SDK1: variants seen among roughly 807,000 people sequenced by gnomAD.
SDK1 encodes the protein protein sidekick-1.
A neutral mutation model predicts 245.5 loss-of-function variants in SDK1; 157 were observed. That is an observed-to-expected ratio of 0.64 (90% confidence interval 0.56 to 0.73). The LOEUF (loss-of-function observed/expected upper bound fraction) is 0.73, where lower values mean the gene tolerates loss of function less well. Among genes scored for constraint, SDK1 ranks in the 30% least tolerant of loss-of-function variants. The pLI is 0.00. For synonymous variants in SDK1, 1,647 were observed against 1,278.5 expected (o/e 1.29, Z -6.15); for missense variants, 3,583 against 3,002.3 (o/e 1.19, Z -4.52).
At chr7:3,770,094 A>G (rs1780365775) in intron 4 of SDK1, among the ~76,000 whole-genome samples, 1 of 152,014 alleles carries the variant, frequency 6.6e-6, no homozygotes, top group South Asian at 2.1e-4. Flanking sequence ...AAAGTGGTGA[A>G]TGTATTTATA....
Position 3,527,374 on chromosome 7 carries a change from A to G in SDK1, c.299-91706A>G, listed in dbSNP as rs140426028. Among the ~76,000 whole-genome samples, 12 of 152,272 alleles carry G rather than the reference A, an allele frequency of 7.9e-5. 1 individual carries two copies. In the East Asian group the frequency reaches 2.3e-3, roughly 29 times the overall value. Reference sequence around the variant, plus strand: ...GCGATGTGAACGTGGAGATGAAGGCATGTGCTGTGGTCATGGAAGGCCTTT... The same window carrying G: ...GCGATGTGAACGTGGAGATGAAGGCGTGTGCTGTGGTCATGGAAGGCCTTT... On this transcript the variant is annotated intron_variant, in intron 1 of 44. Transcript: ENST00000404826.
chr7:4,046,810 T>C (rs1036511635), intron 17 of SDK1, among the ~76,000 whole-genome samples: 2 of 147,432 alleles, frequency 1.4e-5, no homozygotes, highest in Non-Finnish European at 3.0e-5. Flanking sequence ...CTAGGAGATA[T>C]CTAGCTGTGA....
intron 1 of SDK1, among the ~76,000 whole-genome samples, chr7:3,584,998 A>G (rs913672434): frequency 2.0e-5 from 3 of 152,142 alleles, no homozygotes; most frequent in African/African-American, 7.2e-5. Flanking sequence ...TGCTGGGATT[A>G]CAGACGTGAG....
At chr7:4,217,487 G>A (rs1784889305) in intron 38 of SDK1, among the ~76,000 whole-genome samples, 1 of 100,786 alleles carries the variant, frequency 9.9e-6, no homozygotes, top group Admixed American at 1.1e-4. Flanking sequence ...CAGGCCACCC[G>A]GAGCACCACA....
rs536689964 is a variant in SDK1, at chr7:4,112,232, C to T, written c.3435-1057C>T. On this transcript the variant is annotated intron_variant, in intron 23 of 44. Transcript: ENST00000404826. Reference sequence around the variant, plus strand: ...GAAGCAAAGGCAGGAAGACTCCAAGCAGGGAGGGGGCTTGCAGGTCACAGA... The same window carrying T: ...GAAGCAAAGGCAGGAAGACTCCAAGTAGGGAGGGGGCTTGCAGGTCACAGA... Among the ~76,000 whole-genome samples, 156 of 152,232 alleles carry T rather than the reference C, an allele frequency of 1.0e-3. 1 individual carries two copies. The highest frequency in any genetic ancestry group is 2.0e-3 in the Non-Finnish European group (133 of 68,012).
chr7:4,133,075 G>T (rs561429150), intron 28 of SDK1, among the ~76,000 whole-genome samples: 1 of 152,330 alleles, frequency 6.6e-6, no homozygotes, highest in South Asian at 2.1e-4. Context: ...CAGAGAAGAT[G>T]CAGACCTAGC....
intron 14 of SDK1, among the ~76,000 whole-genome samples, chr7:4,010,135 G>A (rs917083536): frequency 7.9e-5 from 12 of 152,188 alleles, no homozygotes; most frequent in African/African-American, 2.4e-4. Flanking sequence ...GTTTTACTTC[G>A]CTAGTAACTT....
At chr7:3,482,740 T>C (rs760727016) in intron 1 of SDK1, among the ~76,000 whole-genome samples, 2 of 152,202 alleles carry the variant, frequency 1.3e-5, no homozygotes, top group African/African-American at 4.8e-5. Context: ...AACTCCTCTC[T>C]GGAGGAAAGC....
At chr7:3,379,654 T>G (rs550210284) in intron 1 of SDK1, among the ~76,000 whole-genome samples, 1 of 152,196 alleles carries the variant, frequency 6.6e-6, no homozygotes, top group Non-Finnish European at 1.5e-5. Flanking sequence ...TTGATCCAAG[T>G]AACCTCAGAG....
At position 4,192,182 on chromosome 7, in the gene SDK1, G is replaced by A. The variant is rs567498234; in HGVS notation, c.5098+13596G>A. Among the ~76,000 whole-genome samples, 4 of 152,232 alleles carry A rather than the reference G, an allele frequency of 2.6e-5. No homozygotes were observed. In the South Asian group the frequency reaches 8.3e-4, roughly 31 times the overall value. ...ATACTGTGTCAGTTACAGATGGAAG[G>A]TTTGGGGCAGCCCTGCTGTCAGTGC... On this transcript the variant is annotated intron_variant, in intron 35 of 44. Coordinates refer to ENST00000404826, the MANE Select transcript of SDK1 (RefSeq NM_152744.4).
chr7:3,514,905 C>T (rs2128612555), intron 1 of SDK1, among the ~76,000 whole-genome samples: 1 of 152,324 alleles, frequency 6.6e-6, no homozygotes, highest in African/African-American at 2.4e-5. Context: ...TTCTCTCTTT[C>T]ACTCATTTAA....
chr7:4,165,262 G>A (rs915140822), intron 32 of SDK1, among the ~76,000 whole-genome samples: 1 of 152,052 alleles, frequency 6.6e-6, no homozygotes, highest in Admixed American at 6.5e-5. Context: ...GGGAGGCTCA[G>A]GCAGGAGAAC....
At chr7:3,356,096 C>A (rs1293382907) in intron 1 of SDK1, among the ~76,000 whole-genome samples, 1 of 152,278 alleles carries the variant, frequency 6.6e-6, no homozygotes, top group African/African-American at 2.4e-5. Flanking sequence ...TTATGAATTC[C>A]CATGTCAGCC....
chr7:3,841,405 T>C (rs946346695), intron 5 of SDK1, among the ~76,000 whole-genome samples: 3 of 152,202 alleles, frequency 2.0e-5, no homozygotes, highest in African/African-American at 4.8e-5. Flanking sequence ...CCAGGAGTTC[T>C]GGAGCAAAAC....
At chr7:3,334,360 C>G (rs1780145595) in intron 1 of SDK1, among the ~76,000 whole-genome samples, 1 of 152,192 alleles carries the variant, frequency 6.6e-6, no homozygotes, top group South Asian at 2.1e-4. Context: ...GATGGTGGAG[C>G]CTACGCTTGA....
At chr7:4,007,442 G>T (rs1428022878) in intron 14 of SDK1, among the ~76,000 whole-genome samples, 2 of 152,132 alleles carry the variant, frequency 1.3e-5, no homozygotes, top group Non-Finnish European at 2.9e-5. Context: ...CGGGGCAGGA[G>T]TCCCGAGGAC....
chr7:3,980,926 C>T (rs927294000), intron 13 of SDK1, among the ~76,000 whole-genome samples: 28 of 147,394 alleles, frequency 1.9e-4, no homozygotes, highest in South Asian at 1.8e-3. Flanking sequence ...AGCTACAGAG[C>T]GAGACTCCAT....
chr7:3,652,037 T>C (rs1344983453), intron 4 of SDK1, among the ~76,000 whole-genome samples: 13 of 152,196 alleles, frequency 8.5e-5, no homozygotes, highest in Admixed American at 8.5e-4. Flanking sequence ...TAGAAGGCAA[T>C]GCAGGGTTAG....
chr7:3,662,612 G>A (rs1252032602), intron 4 of SDK1, among the ~76,000 whole-genome samples: 3 of 152,178 alleles, frequency 2.0e-5, no homozygotes, highest in Non-Finnish European at 2.9e-5. Flanking sequence ...GCTTGGGTTC[G>A]GAGAAATGGT....
Sources: allele counts gnomAD v4.1 joint callset (sites outside exome capture counted in the v4.1 genomes callset), GRCh38; gene constraint gnomAD v4.1.1; transcripts MANE v1.5; gene names NCBI Gene and HGNC (gene_info 2026-07-23, HGNC 2026-07-21).